CSNK1G3: variants seen among roughly 807,000 people sequenced by gnomAD.
CSNK1G3 encodes the protein casein kinase 1 gamma 3.
CSNK1G3 carries 23 observed loss-of-function variants against 64.3 expected under a neutral mutation model. That is an observed-to-expected ratio of 0.36 (90% CI 0.26 to 0.51). CSNK1G3 has a LOEUF of 0.51. Among genes scored for constraint, CSNK1G3 ranks in the 20% least tolerant of loss-of-function variants. The pLI is 0.96. For missense variants in CSNK1G3, 357 were observed against 510.5 expected (o/e 0.70, Z 2.90); for synonymous variants, 158 against 162.2 (o/e 0.97, Z 0.20).
intron 2 of CSNK1G3, among the ~76,000 whole-genome samples, chr5:123,549,534 C>A (rs964223534): frequency 3.3e-5 from 5 of 152,156 alleles, no homozygotes; most frequent in African/African-American, 1.2e-4. Flanking sequence ...AGCTAGAGAC[C>A]CATTCTTATA....
At chr5:123,555,892 C>G (rs1581103831) in intron 3 of CSNK1G3, among the ~76,000 whole-genome samples, 1 of 151,898 alleles carries the variant, frequency 6.6e-6, no homozygotes. Context: ...TTATGTACTT[C>G]TAGGTAGTTA....
At chr5:123,512,913 C>T (rs980138677) in intron 1 of CSNK1G3, among the ~76,000 whole-genome samples, 1 of 151,976 alleles carries the variant, frequency 6.6e-6, no homozygotes, top group African/African-American at 2.4e-5. Context: ...ACTGGGCCGG[C>T]GGGGGCTTCC....
intron 1 of CSNK1G3, among the ~76,000 whole-genome samples, chr5:123,535,477 A>G (rs1780642345): frequency 6.6e-6 from 1 of 152,108 alleles, no homozygotes; most frequent in East Asian, 1.9e-4. Flanking sequence ...GATAGGTGCT[A>G]TGGTAGGGAA....
At chr5:123,538,463 T>C (rs1252875977) in intron 1 of CSNK1G3, among the ~76,000 whole-genome samples, 1 of 152,206 alleles carries the variant, frequency 6.6e-6, no homozygotes, top group Non-Finnish European at 1.5e-5. Context: ...TGTGGCAATT[T>C]GTATATATTC....
intron 1 of CSNK1G3, among the ~76,000 whole-genome samples, chr5:123,524,672 G>T (rs960868673): frequency 1.1e-4 from 16 of 152,018 alleles, no homozygotes; most frequent in African/African-American, 3.6e-4. Context: ...TCCTCAAGAA[G>T]AAAAACTTAT....
intron 12 of CSNK1G3, among the ~76,000 whole-genome samples, chr5:123,610,064 T>A (rs930259572): frequency 2.6e-5 from 4 of 152,054 alleles, no homozygotes; most frequent in Non-Finnish European, 2.9e-5. Context: ...TGAAAGTCAT[T>A]TCAGACTTAA....
intron 1 of CSNK1G3, among the ~76,000 whole-genome samples, chr5:123,542,415 C>CA (rs1298953999): frequency 2.0e-5 from 3 of 152,138 alleles, no homozygotes; most frequent in Admixed American, 2.0e-4. Flanking sequence ...AATTAATACT[C>CA]ATGCATTTCC....
intron 5 of CSNK1G3, among the ~76,000 whole-genome samples, chr5:123,574,546 G>A (rs1394255142): frequency 6.6e-6 from 1 of 152,112 alleles, no homozygotes; most frequent in Non-Finnish European, 1.5e-5. Flanking sequence ...TAGGCTAGGT[G>A]TGGTGGCTTG....
chr5:123,559,256 A>G (rs1461244588), intron 4 of CSNK1G3, among the ~76,000 whole-genome samples: 8 of 26,466 alleles, frequency 3.0e-4, no homozygotes, highest in African/African-American at 2.6e-3. Context: ...ACGGTGATGA[A>G]AAAAAAAACC....
intron 1 of CSNK1G3, among the ~76,000 whole-genome samples, chr5:123,524,335 A>G (rs1283487495): frequency 6.6e-6 from 1 of 152,174 alleles, no homozygotes; most frequent in South Asian, 2.1e-4. Context: ...ATGACTGAGT[A>G]TTCATCAAAC....
intron 1 of CSNK1G3, among the ~76,000 whole-genome samples, chr5:123,536,417 A>G (rs979882542): frequency 1.4e-5 from 2 of 140,816 alleles, no homozygotes; most frequent in Non-Finnish European, 3.0e-5. Context: ...TTGAAAAAAT[A>G]TGAAGGGCTT....
chr5:123,607,418 A>G (rs779159180), intron 12 of CSNK1G3, among the ~76,000 whole-genome samples: 7 of 152,314 alleles, frequency 4.6e-5, no homozygotes, highest in South Asian at 2.1e-4. Context: ...ACAATGTGGT[A>G]TACCCATACA....
intron 6 of CSNK1G3, among the ~76,000 whole-genome samples, chr5:123,582,793 A>G (rs1188433558): frequency 6.6e-6 from 1 of 152,140 alleles, no homozygotes; most frequent in African/African-American, 2.4e-5. Context: ...GAACTGTTAA[A>G]GACCCTAGGG....
intron 3 of CSNK1G3, among the ~76,000 whole-genome samples, chr5:123,556,031 A>G (rs1464275431): frequency 1.3e-5 from 2 of 152,124 alleles, no homozygotes; most frequent in Non-Finnish European, 2.9e-5. Flanking sequence ...AGAAAAGTTA[A>G]GTAACTTGCT....
At chr5:123,533,294 A>C (rs996879806) in intron 1 of CSNK1G3, among the ~76,000 whole-genome samples, 1 of 151,964 alleles carries the variant, frequency 6.6e-6, no homozygotes, top group African/African-American at 2.4e-5. Flanking sequence ...TAACACTGTC[A>C]AGGTTGGTTA....
chr5:123,588,130 A>T (rs747900819), exon 7 of CSNK1G3: 1 of 1,604,388 alleles, frequency 6.2e-7, no homozygotes, highest in Middle Eastern at 1.7e-4. Context: ...TCTGAGAGGC[A>T]GTCTTCCTTG....
intron 1 of CSNK1G3, among the ~76,000 whole-genome samples, chr5:123,513,711 C>T (rs904570639): frequency 6.6e-6 from 1 of 152,070 alleles, no homozygotes; most frequent in Non-Finnish European, 1.5e-5. Flanking sequence ...AAAGTATATA[C>T]TTTTTAAAGA....
At chr5:123,614,547 T>C (rs1749125799) in exon 13 of CSNK1G3, 2 of 602,660 alleles carry the variant, frequency 3.3e-6, no homozygotes, top group Non-Finnish European at 5.4e-6. Context: ...TGTGGTTGTC[T>C]TACATTCTTT....
At chr5:123,603,292 G>A (rs997077166) in intron 10 of CSNK1G3, among the ~76,000 whole-genome samples, 1 of 151,940 alleles carries the variant, frequency 6.6e-6, no homozygotes, top group African/African-American at 2.4e-5. Context: ...AAAAAGTTTA[G>A]TGATAAGGGA....
Sources: allele counts gnomAD v4.1 joint callset (sites outside exome capture counted in the v4.1 genomes callset), GRCh38; gene constraint gnomAD v4.1.1; transcripts MANE v1.5; gene names NCBI Gene and HGNC (gene_info 2026-07-23, HGNC 2026-07-21).